SERINC2: variants seen among roughly 807,000 people sequenced by gnomAD.
SERINC2 encodes tumor differentially expressed protein 2.
Under a neutral mutation model 54.2 loss-of-function variants are expected in SERINC2, and 56 were observed. That is an observed-to-expected ratio of 1.03 (90% CI 0.83 to 1.29). The LOEUF is 1.29. SERINC2 is among the 50% of genes most tolerant of loss of function. SERINC2 has a pLI of 0.00. For synonymous variants in SERINC2, 272 were observed against 253.1 expected (o/e 1.07, Z -0.71); for missense variants, 614 against 607.4 (o/e 1.01, Z -0.12).
At chr1:31,413,171 G>A, upstream of SERINC2, 1 of 871,134 alleles carries the variant, frequency 1.1e-6, no homozygotes, top group Non-Finnish European at 1.3e-6. The surrounding 1 kb of genome is among the most constrained non-coding windows in gnomAD (Gnocchi z 5.0). Flanking sequence ...GGCCGGGGCG[G>A]GGCCGGGGCC....
intron 1 of SERINC2, among the ~76,000 whole-genome samples, chr1:31,419,403 T>C (rs1640854391): frequency 6.6e-6 from 1 of 152,256 alleles, no homozygotes; most frequent in African/African-American, 2.4e-5. Flanking sequence ...AAATTTAACT[T>C]AATTGAAGTA....
intron 5 of SERINC2, 36 bp downstream of exon 5, chr1:31,425,949 G>A (rs782361222): frequency 5.6e-6 from 9 of 1,594,998 alleles, no homozygotes; most frequent in Middle Eastern, 1.7e-4. Context: ...GTGGGGACTC[G>A]AGCCTGGGCA....
In SERINC2 at chr1:31,434,066, C is replaced by T. The variant is rs782126301; in HGVS notation, c.1235C>T (p.Pro412Leu). ...ATGGGGAAGATGGTGTGTTCCAGGC[C>T]CGGTGAGACCCGGAAGATGATCAGC... ...VMMTLTNWYK[P>L]GETRKMISTW... is the part of the protein sequence containing the mutation. The change falls in exon 10 of 10, where the codon CCC (proline) becomes CTC (leucine). Residue 412 changes from proline (P) to leucine (L), a missense_variant and splice_region_variant. Pro to Leu is a moderately conservative substitution (Grantham distance 98). Coordinates refer to ENST00000373709, the MANE Select transcript of SERINC2 (RefSeq NM_178865.5). The T allele has an allele frequency of 5.0e-6, 8 of 1,613,642 alleles. No homozygotes were observed. The highest frequency in any genetic ancestry group is 6.8e-6 in the Non-Finnish European group (8 of 1,179,788).
At chr1:31,416,932 C>A (rs574617002) in intron 1 of SERINC2, among the ~76,000 whole-genome samples, 1 of 152,228 alleles carries the variant, frequency 6.6e-6, no homozygotes, top group African/African-American at 2.4e-5. Context: ...GTTGGCCAGG[C>A]TGGTCTCGAA....
At chr1:31,414,914 G>A in intron 1 of SERINC2, 1 of 266,412 alleles carries the variant, frequency 3.8e-6, no homozygotes, top group Non-Finnish European at 5.8e-6. Flanking sequence ...GGGAGATGAG[G>A]CACAGTTCCT....
At position 31,422,298 on chromosome 1, in the gene SERINC2, C is replaced by A. The variant is rs367606522; in HGVS notation, c.40-1395C>A. On this transcript the variant is annotated intron_variant, in intron 1 of 9. Transcript: ENST00000373709. ...TGGGTGACAGGGCAAGACCCTGTCT[C>A]AAAAAAAAAAAAACAAAAAAAGAAG... Among the ~76,000 whole-genome samples, 985 of 135,634 alleles carry A rather than the reference C, an allele frequency of 7.3e-3. 1 individual carries two copies. Among genetic ancestry groups the A allele is most frequent in the Non-Finnish European group, 8.6e-3 (549 of 63,510 alleles). 89.0% of individuals were successfully genotyped at this position (135,634 alleles called of 152,430 possible). A position where few individuals can be genotyped will look rare whatever the true frequency, so the allele number is the denominator to read the frequency against.
At chr1:31,414,176 AG>A in intron 1 of SERINC2, 1 of 1,401,286 alleles carries the variant, frequency 7.1e-7, no homozygotes, top group Non-Finnish European at 9.2e-7. Context: ...ACCTGTGGGG[AG>A]GCCAACCTCT....
chr1:31,429,313 G>A lies in SERINC2; in HGVS notation c.872-84G>A, dbSNP rs782280707. 11 of 1,491,346 alleles carry A rather than the reference G, an allele frequency of 7.4e-6. No homozygotes were observed. The South Asian group carries it at 1.4e-4, about 19-fold the overall frequency. 92.4% of individuals were successfully genotyped at this position (1,491,346 alleles called of 1,614,324 possible). A position where few individuals can be genotyped will look rare whatever the true frequency, so the allele number is the denominator to read the frequency against. ...CTGTGTATCTGTCTGTCTATTAGGG[G>A]TGGCTCTCTAGCCATCCTCAGGGCC... On this transcript the variant is annotated intron_variant, in intron 7 of 9. Transcript: ENST00000373709.
chr1:31,432,066 C>CAGGGTGGATAGGGTGGATAGGGTGGAT (rs1641273492), intron 8 of SERINC2, among the ~76,000 whole-genome samples: 1 of 15,776 alleles, frequency 6.3e-5, no homozygotes, highest in Non-Finnish European at 1.2e-4. Context: ...ACAGGGTGGA[C>CAGGGTGGATAGGGTGGATAGGGTGGAT]AGGGTGGACA....
At chr1:31,423,438 G>T (rs918639993) in intron 1 of SERINC2, among the ~76,000 whole-genome samples, 11 of 152,030 alleles carry the variant, frequency 7.2e-5, no homozygotes, top group African/African-American at 2.2e-4. Context: ...GCGTGACCTC[G>T]GCTAGCTCTC....
chr1:31,428,693 A>G (rs1193685855), intron 6 of SERINC2, among the ~76,000 whole-genome samples: 2 of 152,260 alleles, frequency 1.3e-5, no homozygotes, highest in Non-Finnish European at 2.9e-5. Flanking sequence ...GGAGGGGGAC[A>G]GTGGGCCAGG....
chr1:31,414,081 A>T, intron 1 of SERINC2: 4 of 1,477,106 alleles, frequency 2.7e-6, no homozygotes, highest in Non-Finnish European at 3.6e-6. Flanking sequence ...GTCGTCACGG[A>T]CCACCGGGCG....
chr1:31,424,920 C>T, intron 3 of SERINC2, 47 bp downstream of exon 3: 1 of 1,504,668 alleles, frequency 6.6e-7, no homozygotes, highest in Non-Finnish European at 9.0e-7. Flanking sequence ...CCCCCAGTGC[C>T]TTGCCCGCTC....
chr1:31,414,709 C>A (rs1288616380), intron 1 of SERINC2: 1 of 985,318 alleles, frequency 1.0e-6, no homozygotes, highest in Non-Finnish European at 1.2e-6. Context: ...TCTCTGCCAA[C>A]AAGGGTTTGC....
At chr1:31,424,591 G>A (rs1640982692) in intron 2 of SERINC2, 92 bp from the exon 3 acceptor site, 10 of 1,112,896 alleles carry the variant, frequency 9.0e-6, no homozygotes, top group Non-Finnish European at 8.8e-6. Flanking sequence ...TTTCCTGGCC[G>A]GCCTTGGGAG....
rs782460024 is a variant in SERINC2, at chr1:31,429,501, G to A, written c.976G>A (p.Gly326Ser). 1.9e-6 allele frequency: 3 copies of A among 1,613,440 alleles called. No individual in the cohort carries two copies. The highest frequency in any genetic ancestry group is 2.5e-6 in the Non-Finnish European group (3 of 1,179,658). ...GTGGTGGGATGCCCCGAGCATTGTG[G>A]GCCTCATCATCTTCCTCCTGTGCAC... is the stretch of plus-strand genomic sequence containing the variant. ...TQWWDAPSIV[G>S]LIIFLLCTLF... is the part of the protein sequence containing the mutation. Residue 326 changes from glycine to serine, a missense_variant, in exon 8 of 10, where the codon GGC (glycine) becomes AGC (serine). Coordinates refer to ENST00000373709, the MANE Select transcript of SERINC2 (RefSeq NM_178865.5).
intron 4 of SERINC2, 78 bp downstream of exon 4, chr1:31,425,487 T>C: frequency 1.8e-6 from 2 of 1,092,728 alleles, no homozygotes; most frequent in Non-Finnish European, 2.8e-6. Flanking sequence ...GTGGTGGGGC[T>C]GCTCTTTGCT....
intron 1 of SERINC2, among the ~76,000 whole-genome samples, chr1:31,423,299 T>C (rs1404227119): frequency 2.0e-5 from 3 of 152,212 alleles, no homozygotes. Flanking sequence ...CATACCACTA[T>C]GTTACAGAAG....
chr1:31,425,217 C>T (rs1172615854), intron 3 of SERINC2, 113 bp from the exon 4 acceptor site: 10 of 831,304 alleles, frequency 1.2e-5, no homozygotes, highest in South Asian at 1.4e-5. Context: ...CCACCCTCAC[C>T]CCTCTCAGCA....
Sources: gnomAD v4.1 joint callset for allele counts (sites outside exome capture counted in the v4.1 genomes callset) on GRCh38, gnomAD v4.1.1 for gene constraint, Gnocchi (gnomAD v3.1) non-coding constraint, MANE v1.5 for transcripts, NCBI Gene and HGNC (gene_info 2026-07-23, HGNC 2026-07-21) for gene names.